Variants in MR1 observed in about 807,000 individuals in gnomAD.
The protein encoded by MR1 is major histocompatibility complex, class I-related.
Under a neutral mutation model 37.8 loss-of-function variants are expected in MR1, and 44 were observed. That is an observed-to-expected ratio of 1.16 (90% confidence interval 0.91 to 1.50). The LOEUF (loss-of-function observed/expected upper bound fraction) is 1.50, where lower values mean the gene tolerates loss of function less well. Among genes scored for constraint, MR1 ranks in the 40% most tolerant of loss-of-function variants. The pLI, the probability that MR1 is intolerant of heterozygous loss-of-function variation, is 0.00. For synonymous variants in MR1, 153 were observed against 155.8 expected, an observed-to-expected ratio of 0.98 and a Z score of 0.13; for missense variants, 386 against 419.1, an observed-to-expected ratio of 0.92 and a Z score of 0.69.
At chr1:181,053,755 C>A in intron 5 of MR1, 78 bp downstream of exon 5, 1 of 1,060,140 alleles carries the variant, frequency 9.4e-7, no homozygotes, top group Admixed American at 1.9e-5. Context: ...GCACCTGCTG[C>A]TCCCTCCTCC....
At chr1:181,040,320 C>A (rs1380217294) in intron 1 of MR1, among the ~76,000 whole-genome samples, 1 of 151,996 alleles carries the variant, frequency 6.6e-6, no homozygotes, top group African/African-American at 2.4e-5. Flanking sequence ...TTTTATAGGT[C>A]AAAAATGGTA....
At chr1:181,045,403 GC>G (rs1385325373) in intron 1 of MR1, among the ~76,000 whole-genome samples, 1 of 151,996 alleles carries the variant, frequency 6.6e-6, no homozygotes, top group Non-Finnish European at 1.5e-5. Flanking sequence ...CCCAGGCATC[GC>G]CTCTGCCCGT....
rs1200621062 is a variant in MR1, at chr1:181,053,627, T to A, written c.935T>A (p.Val312Asp). Residue 312 changes from valine (V) to aspartate (D), a missense_variant, in exon 5 of 6, where the codon GTC (valine) becomes GAC (aspartate). Val to Asp is a radical substitution (Grantham distance 152, BLOSUM62 -3). Transcript: ENST00000367580. ...MKAVSGSIVL[V>D]IVLAGVGVLV... is the part of the protein sequence containing the mutation. Reference sequence around the variant, plus strand: ...GCTGTCTCTGGGTCCATTGTCCTTGTCATTGTGCTGGCTGGAGTTGGTGTT... The same window carrying A: ...GCTGTCTCTGGGTCCATTGTCCTTGACATTGTGCTGGCTGGAGTTGGTGTT... The A allele has an allele frequency of 6.2e-7, 1 of 1,614,024 alleles. No individual in the cohort carries two copies. The highest frequency in any genetic ancestry group is 1.7e-5 in the Admixed American group (1 of 60,020).
intron 1 of MR1, among the ~76,000 whole-genome samples, chr1:181,046,305 G>T (rs1319509951): frequency 6.6e-6 from 1 of 152,280 alleles, no homozygotes; most frequent in Non-Finnish European, 1.5e-5. Flanking sequence ...GTCTGGTGGG[G>T]ACGTGGAGAA....
Position 181,052,514 on chromosome 1 carries a change from A to G in MR1, c.880+4A>G. On this transcript the variant is annotated splice_donor_region_variant and intron_variant, in intron 4 of 5. Transcript: ENST00000367580. ...ATGGTTCTTCAGGTCCCCCAGGGTA[A>G]GGACGGGGATCGTGGCTGTCTAGGG... 1 of 1,609,832 alleles carries G rather than the reference A, an allele frequency of 6.2e-7. No individual in the cohort carries two copies. The highest frequency in any genetic ancestry group is 2.2e-5 in the East Asian group (1 of 44,758).
rs1238365197 is a variant in MR1 at position 181,057,785 on chromosome 1, CA to C, written c.*2521del. ...CAGCATTTTGGGAGGCCGAGGTGGGCAGATCACCTGAGGTCGGGAGTTCGAG... is the reference window on the plus strand; with the variant it reads ...CAGCATTTTGGGAGGCCGAGGTGGGCGATCACCTGAGGTCGGGAGTTCGAG... On this transcript the variant is annotated 3_prime_UTR_variant, in exon 6 of 6. Transcript: ENST00000367580. The C allele has an allele frequency of 6.6e-6, 1 of 152,010 alleles. No homozygotes were observed. Among genetic ancestry groups the C allele is most frequent in the Non-Finnish European group, 1.5e-5 (1 of 68,026 alleles). The allele number at this position is 152,010 out of a possible 1,614,324, so 9.4% of individuals were successfully genotyped here.
intron 1 of MR1, among the ~76,000 whole-genome samples, chr1:181,038,952 C>G (rs987845908): frequency 1.3e-5 from 2 of 152,078 alleles, no homozygotes; most frequent in Non-Finnish European, 2.9e-5. Context: ...TACAGGCATG[C>G]GCCACCACAC....
At chr1:181,044,478 A>G (rs1657748188) in intron 1 of MR1, among the ~76,000 whole-genome samples, 2 of 152,092 alleles carry the variant, frequency 1.3e-5, no homozygotes, top group African/African-American at 4.8e-5. Flanking sequence ...CAGGCAAGAG[A>G]AGCCCCTGGA....
chr1:181,054,363 G>C (rs1658489260), intron 5 of MR1, among the ~76,000 whole-genome samples: 1 of 152,150 alleles, frequency 6.6e-6, no homozygotes, highest in African/African-American at 2.4e-5. Context: ...AGCCTGGTAA[G>C]GTTATCTCCT....
chr1:181,048,697 G>A (rs7534968), intron 1 of MR1, among the ~76,000 whole-genome samples: 2,447 of 152,226 alleles, frequency 0.016, 33 homozygotes, highest in Non-Finnish European at 0.024. Flanking sequence ...CAGAGTTCCC[G>A]AGGGCTCCCG....
In MR1 at chr1:181,052,467, T is replaced by G. The variant is rs1315863837; in HGVS notation, c.837T>G (p.His279Gln). The change falls in exon 4 of 6, where the codon CAT becomes CAG. Residue 279 changes from histidine to glutamine, a missense_variant. By Grantham distance (24) the His-to-Gln change is conservative. Coordinates refer to ENST00000367580, the MANE Select transcript of MR1 (RefSeq NM_001385161.1). ...AGAGCAGCAACCTTTACTCCTGTCA[T>G]GTGGAGCACTGCGGTGTCCACATGG... ...DPQSSNLYSC[H>Q]VEHCGVHMVL... 6.2e-7 allele frequency: 1 copy of G among 1,614,150 alleles called. No homozygotes were observed. Among genetic ancestry groups the G allele is most frequent in the South Asian group, 1.1e-5 (1 of 91,076 alleles).
At chr1:181,053,524 C>G in intron 4 of MR1, 49 bp from the exon 5 acceptor site, 5 of 1,418,818 alleles carry the variant, frequency 3.5e-6, no homozygotes, top group Non-Finnish European at 5.0e-6. Context: ...AAAGTTAACA[C>G]AGAAGGGAAA....
At position 181,036,023 on chromosome 1, in the gene MR1, C is replaced by T. The variant is rs143547722; in HGVS notation, c.67+1949C>T. ...AGACTCTCTTGCAAGCTGATTTCTG[C>T]TTGGGTTCATACAATGGGAGACACT... On this transcript the variant is annotated intron_variant, in intron 1 of 5. Coordinates refer to ENST00000367580, the MANE Select transcript of MR1 (RefSeq NM_001385161.1). Among the ~76,000 whole-genome samples the T allele has an allele frequency of 3.7e-3, 568 of 152,174 alleles. 3 individuals are homozygous for T. The highest frequency in any genetic ancestry group is 7.9e-3 in the South Asian group (38 of 4,816).
At chr1:181,054,972 T>C (rs1460161445) in intron 5 of MR1, among the ~76,000 whole-genome samples, 1 of 152,222 alleles carries the variant, frequency 6.6e-6, no homozygotes, top group Non-Finnish European at 1.5e-5. Flanking sequence ...CAATAAATGA[T>C]AGTGAAACAA....
At chr1:181,049,878 C>G (rs937553619) in intron 2 of MR1, 133 bp from the exon 3 acceptor site, 3 of 1,041,642 alleles carry the variant, frequency 2.9e-6, no homozygotes, top group African/African-American at 3.2e-5. Flanking sequence ...GGGGACTCAG[C>G]GATGCCATGG....
chr1:181,049,932 G>T (rs1210247985), intron 2 of MR1, 79 bp from the exon 3 acceptor site: 9 of 1,501,458 alleles, frequency 6.0e-6, no homozygotes, highest in Admixed American at 3.8e-5. Flanking sequence ...GATGCTTCCA[G>T]CCATGCCCCT....
chr1:181,053,067 A>G (rs2102402345), intron 4 of MR1, among the ~76,000 whole-genome samples: 1 of 152,130 alleles, frequency 6.6e-6, no homozygotes. Context: ...CTCCCTCTCA[A>G]AAAAACAAAA....
intron 1 of MR1, among the ~76,000 whole-genome samples, chr1:181,040,556 T>C (rs750759486): frequency 6.6e-6 from 1 of 152,194 alleles, no homozygotes; most frequent in African/African-American, 2.4e-5. Flanking sequence ...GACTTGTTCC[T>C]GTGGAGGCAC....
At position 181,049,455 on chromosome 1, in the gene MR1, G is replaced by C. The variant is rs1467382351; in HGVS notation, c.328+143G>C. ...GAGGAATCAGGTTGGTGGAGTTCAGGGCCTCCCATCTGCCTGTGCATCTTC... is the reference window on the plus strand; with the variant it reads ...GAGGAATCAGGTTGGTGGAGTTCAGCGCCTCCCATCTGCCTGTGCATCTTC... On this transcript the variant is annotated intron_variant, in intron 2 of 5. Transcript: ENST00000367580. The C allele has an allele frequency of 4.0e-6, 4 of 1,010,576 alleles. No homozygotes were observed. The East Asian group carries it at 1.0e-4, about 26-fold the overall frequency. The allele number at this position is 1,010,576 out of a possible 1,614,324, so 62.6% of individuals were successfully genotyped here. A position where few individuals can be genotyped will look rare whatever the true frequency, so the allele number is the denominator to read the frequency against.
Sources: allele counts gnomAD v4.1 joint callset (sites outside exome capture counted in the v4.1 genomes callset), GRCh38; gene constraint gnomAD v4.1.1; transcripts MANE v1.5; gene names NCBI Gene and HGNC (gene_info 2026-07-23, HGNC 2026-07-21).